PRDX3: variants seen among roughly 807,000 people sequenced by gnomAD.
PRDX3 encodes peroxiredoxin 3, also known as thioredoxin-dependent peroxide reductase, mitochondrial.
In PRDX3, 20 loss-of-function variants were observed where a neutral mutation model predicts 30.4. The ratio of observed to expected loss-of-function variants is 0.66; its 90% CI spans 0.46 to 0.96. PRDX3 has a LOEUF of 0.96. PRDX3 is among the 40% of genes least tolerant of loss of function. The pLI is 0.00. For synonymous variants in PRDX3, 124 were observed against 117.8 expected, an observed-to-expected ratio of 1.05 and a Z score of -0.34; for missense variants, 322 against 318.3, an observed-to-expected ratio of 1.01 and a Z score of -0.09.
intron 4 of PRDX3, among the ~76,000 whole-genome samples, chr10:119,173,234 G>A (rs757530148): frequency 6.6e-6 from 1 of 152,086 alleles, no homozygotes; most frequent in African/African-American, 2.4e-5. Context: ...CATCACGCCC[G>A]GCTGCTTTTT....
intron 6 of PRDX3, 145 bp downstream of exon 6, chr10:119,169,032 C>G (rs964394030): frequency 3.6e-6 from 3 of 840,098 alleles, no homozygotes; most frequent in African/African-American, 1.7e-5. Flanking sequence ...CACCCCACCC[C>G]CTCTACCCCA....
chr10:119,177,172 T>C lies in PRDX3; in HGVS notation c.37-19A>G. The C allele has an allele frequency of 6.2e-7, 1 of 1,611,746 alleles. No individual in the cohort carries two copies. ...GGGCAACCTGGAAAGAGAAACTTTT[T>C]ATTAGAAAGTTTTCCTGGACTGGTG... On this transcript the variant is annotated intron_variant, in intron 1 of 6. Coordinates refer to ENST00000298510, the MANE Select transcript of PRDX3 (RefSeq NM_006793.5).
At chr10:119,169,486 T>C in intron 5 of PRDX3, 144 bp from the exon 6 acceptor site, 3 of 709,042 alleles carry the variant, frequency 4.2e-6, no homozygotes, top group Non-Finnish European at 6.7e-6. Flanking sequence ...GTTTTCACTG[T>C]TGTGCAAAAA....
At chr10:119,176,907 C>T (rs1392151694) in intron 2 of PRDX3, 114 bp downstream of exon 2, 10 of 1,333,694 alleles carry the variant, frequency 7.5e-6, no homozygotes, top group Non-Finnish European at 8.3e-6. Flanking sequence ...GTGCTGTGTT[C>T]CTGAAAGCTC....
chr10:119,178,565 A>G (rs1848100689), intron 1 of PRDX3, among the ~76,000 whole-genome samples, 190 bp downstream of exon 1: 2 of 152,072 alleles, frequency 1.3e-5, no homozygotes, highest in Admixed American at 1.3e-4. Flanking sequence ...GCGAGGATGG[A>G]GTGGGGAAGG....
chr10:119,178,631 C>G (rs978477218), intron 1 of PRDX3, 124 bp downstream of exon 1: 1 of 1,243,656 alleles, frequency 8.0e-7, no homozygotes, highest in Non-Finnish European at 1.2e-6. Context: ...GGGTCCGTTA[C>G]CCGCGGAAAC....
At chr10:119,171,708 C>T (rs1847912199) in intron 5 of PRDX3, among the ~76,000 whole-genome samples, 1 of 152,180 alleles carries the variant, frequency 6.6e-6, no homozygotes, top group Admixed American at 6.5e-5. Flanking sequence ...CTGTGACGTA[C>T]CACCTCATTT....
chr10:119,177,542 C>A (rs1378061687), intron 1 of PRDX3, among the ~76,000 whole-genome samples: 1 of 151,542 alleles, frequency 6.6e-6, no homozygotes, highest in Non-Finnish European at 1.5e-5. Flanking sequence ...ACCTGTAATT[C>A]CAGCTGCTTG....
In PRDX3 at chr10:119,173,793, C is replaced by G; in HGVS notation, c.391G>C (p.Ala131Pro). Reference protein sequence around the residue: ...EFHDVNCEVVAVSVDSHFSHL... With the variant: ...EFHDVNCEVVPVSVDSHFSHL... ...CTAAAGTGGGAATCCACTGAGACTG[C>G]GACAACTTCACAGTTCACGTCGTGA... Residue 131 changes from alanine (A) to proline (P), a missense_variant, in exon 4 of 7, where the codon GCA becomes CCA. Ala to Pro is a conservative substitution (Grantham distance 27, BLOSUM62 -1). Transcript: ENST00000298510. 6.2e-7 allele frequency: 1 copy of G among 1,612,220 alleles called. No individual in the cohort carries two copies. The highest frequency in any genetic ancestry group is 8.5e-7 in the Non-Finnish European group (1 of 1,179,442).
chr10:119,178,621 G>A, intron 1 of PRDX3, 134 bp downstream of exon 1: 1 of 1,130,270 alleles, frequency 8.8e-7, no homozygotes, highest in Non-Finnish European at 1.3e-6. Flanking sequence ...GGAGGCCTCT[G>A]GGTCCGTTAC....
intron 5 of PRDX3, chr10:119,170,254 A>ATC: frequency 6.6e-6 from 1 of 152,254 alleles, no homozygotes; most frequent in Non-Finnish European, 1.5e-5. Context: ...AAAACTCAGG[A>ATC]TAAAAGATGC....
Position 119,172,564 on chromosome 10 carries a change from A to C in PRDX3, c.448-79T>G. 3 of 1,152,952 alleles carry C rather than the reference A, an allele frequency of 2.6e-6. No individual in the cohort carries two copies. The South Asian group carries it at 3.7e-5, about 14-fold the overall frequency. 71.4% of individuals were successfully genotyped at this position (1,152,952 alleles called of 1,614,324 possible). On this transcript the variant is annotated intron_variant, in intron 4 of 6. Coordinates refer to ENST00000298510, the MANE Select transcript of PRDX3 (RefSeq NM_006793.5). ...ACCACGTACCACAATGTTTGAGACCAACAGTAACGGCGATAGGTAACAGTA... is the reference window on the plus strand; with the variant it reads ...ACCACGTACCACAATGTTTGAGACCCACAGTAACGGCGATAGGTAACAGTA...
At chr10:119,175,566 T>G (rs897350178) in intron 2 of PRDX3, among the ~76,000 whole-genome samples, 5 of 151,716 alleles carry the variant, frequency 3.3e-5, no homozygotes, top group Non-Finnish European at 7.4e-5. Context: ...CGGCTAATTT[T>G]TTGTATTTTT....
At chr10:119,177,649 C>CAAA (rs34339894) in intron 1 of PRDX3, among the ~76,000 whole-genome samples, 1 of 94,900 alleles carries the variant, frequency 1.1e-5, no homozygotes. Flanking sequence ...AACTCCGTCT[C>CAAA]AAAAAAAAAA....
At chr10:119,171,885 A>G (rs1847915844) in intron 5 of PRDX3, among the ~76,000 whole-genome samples, 1 of 152,176 alleles carries the variant, frequency 6.6e-6, no homozygotes, top group Non-Finnish European at 1.5e-5. Context: ...TTACCCTGCT[A>G]GTCCCCCCTT....
At chr10:119,172,105 T>G (rs1847920149) in intron 5 of PRDX3, among the ~76,000 whole-genome samples, 2 of 152,106 alleles carry the variant, frequency 1.3e-5, no homozygotes, top group Non-Finnish European at 2.9e-5. Flanking sequence ...TATTAAAGAC[T>G]AAAATTAAGG....
rs999382631 is a variant in PRDX3 at position 119,177,063 on chromosome 10, A to C, written c.127T>G (p.Leu43Val). ...AACGRTSLTN[L>V]LCSGSSQAKL... ...GCTTGACTGGAACCAGAACACAATA[A>C]ATTTGTCAAGCTCGTTCTTCCACAT... Residue 43 changes from leucine (L) to valine (V), a missense_variant, in exon 2 of 7, where the codon TTA (leucine) becomes GTA (valine). Physicochemically the swap from Leu to Val is conservative, Grantham distance 32 (BLOSUM62 1). Transcript: ENST00000298510. 3 of 1,614,080 alleles carry C rather than the reference A, an allele frequency of 1.9e-6. No homozygotes were observed. Among genetic ancestry groups the C allele is most frequent in the Admixed American group, 1.7e-5 (1 of 60,018 alleles).
intron 5 of PRDX3, among the ~76,000 whole-genome samples, chr10:119,171,139 C>T (rs966585367): frequency 3.3e-5 from 5 of 152,010 alleles, no homozygotes; most frequent in Non-Finnish European, 5.9e-5. Flanking sequence ...CTCCCAGGTT[C>T]ACGCCATTCT....
chr10:119,172,379 T>G lies in PRDX3; in HGVS notation c.551+3A>C, dbSNP rs1422448401. The stretch of plus-strand genomic sequence containing the variant: ...CTTAAGTTCATCAGAAACAGGATCT[T>G]ACCTTAGTGCAAGACCAGAACCTTC... On this transcript the variant is annotated splice_donor_region_variant and intron_variant, in intron 5 of 6. Transcript: ENST00000298510. 28 of 1,598,340 alleles carry G rather than the reference T, an allele frequency of 1.8e-5. No individual in the cohort carries two copies. Among genetic ancestry groups the G allele is most frequent in the Non-Finnish European group, 2.4e-5 (28 of 1,165,656 alleles).
Sources: gnomAD v4.1 joint callset for allele counts (sites outside exome capture counted in the v4.1 genomes callset) on GRCh38, gnomAD v4.1.1 for gene constraint, MANE v1.5 for transcripts, NCBI Gene and HGNC (gene_info 2026-07-23, HGNC 2026-07-21) for gene names.